Variants in SDHB observed in about 807,000 individuals in gnomAD.
SDHB encodes succinate dehydrogenase complex iron sulfur subunit B, also known as succinate dehydrogenase [ubiquinone] iron-sulfur subunit, mitochondrial.
SDHB carries 21 observed loss-of-function variants against 39.7 expected under a neutral mutation model. The ratio of observed to expected loss-of-function variants is 0.53; its 90% confidence interval spans 0.37 to 0.76. The LOEUF (loss-of-function observed/expected upper bound fraction) is 0.76, where lower values mean the gene tolerates loss of function less well. SDHB is among the 30% of genes least tolerant of loss of function. The pLI is 0.00. For synonymous variants in SDHB, 118 were observed against 117.0 expected, an observed-to-expected ratio of 1.01 and a Z score of -0.06; for missense variants, 343 against 350.9, an observed-to-expected ratio of 0.98 and a Z score of 0.18.
intron 5 of SDHB, 140 bp downstream of exon 5, chr1:17,027,609 G>C: frequency 2.7e-6 from 2 of 730,340 alleles, no homozygotes; most frequent in Non-Finnish European, 5.0e-6. Flanking sequence ...AAGAGGATGA[G>C]TGCCCCACCC....
At chr1:17,024,147 T>C in intron 5 of SDHB, 73 bp from the exon 6 acceptor site, 1 of 1,095,598 alleles carries the variant, frequency 9.1e-7, no homozygotes, top group South Asian at 1.3e-5. Context: ...TGATTAAATG[T>C]TACCTTTGGG....
intron 1 of SDHB, among the ~76,000 whole-genome samples, chr1:17,049,504 C>T (rs1306670263): frequency 2.0e-5 from 3 of 151,952 alleles, no homozygotes; most frequent in Non-Finnish European, 4.4e-5. Context: ...TGCCATTTGG[C>T]CAGGCTGGGC....
intron 1 of SDHB, among the ~76,000 whole-genome samples, chr1:17,051,987 G>A (rs748044495): frequency 4.7e-5 from 7 of 149,922 alleles, no homozygotes; most frequent in African/African-American, 7.4e-5. Flanking sequence ...GATTATAGGC[G>A]CCCACCACCA....
chr1:17,026,431 C>T (rs1409109470), intron 5 of SDHB, among the ~76,000 whole-genome samples: 1 of 152,150 alleles, frequency 6.6e-6, no homozygotes, highest in Non-Finnish European at 1.5e-5. Flanking sequence ...GTGGCACAAC[C>T]TTGGCTCACT....
At chr1:17,052,339 C>G (rs1404598777) in intron 1 of SDHB, 3 of 152,212 alleles carry the variant, frequency 2.0e-5, no homozygotes, top group Non-Finnish European at 2.9e-5. Flanking sequence ...AGGTAACACA[C>G]CAAGCTCATT....
intron 7 of SDHB, among the ~76,000 whole-genome samples, chr1:17,020,610 C>T (rs893818469): frequency 3.9e-5 from 6 of 152,172 alleles, no homozygotes; most frequent in Non-Finnish European, 7.3e-5. Flanking sequence ...CACAGCCAGG[C>T]CCCACCACTG....
intron 2 of SDHB, among the ~76,000 whole-genome samples, chr1:17,039,353 T>G (rs2101535631): frequency 6.9e-6 from 1 of 144,938 alleles, no homozygotes; most frequent in Non-Finnish European, 1.5e-5. Flanking sequence ...GGAAGGCTGA[T>G]GCAGGAGGAC....
chr1:17,033,508 T>C (rs977228617), intron 2 of SDHB, among the ~76,000 whole-genome samples: 5 of 152,240 alleles, frequency 3.3e-5, no homozygotes, highest in African/African-American at 4.8e-5. Flanking sequence ...ATGTAGACAA[T>C]AGTTTTAAAT....
rs876660346 is a variant in SDHB at position 17,028,711 on chromosome 1, G to C, written c.312C>G (p.Asn104Lys). ...REGICGSCAM[N>K]INGGNTLACT... is the part of the protein sequence containing the mutation. Reference sequence around the variant, plus strand: ...AAGCTAGAGTGTTGCCTCCATTGATGTTCATTGCACAAGAGCCACAGATGC... The same window carrying C: ...AAGCTAGAGTGTTGCCTCCATTGATCTTCATTGCACAAGAGCCACAGATGC... The change falls in exon 4 of 8, where the codon AAC becomes AAG. Residue 104 changes from asparagine to lysine, a missense_variant. Physicochemically the swap from Asn to Lys is moderately conservative, Grantham distance 94. Transcript: ENST00000375499. The C allele has an allele frequency of 6.2e-7, 1 of 1,614,122 alleles. No individual in the cohort carries two copies. Among genetic ancestry groups the C allele is most frequent in the Non-Finnish European group, 8.5e-7 (1 of 1,180,032 alleles).
chr1:17,033,778 G>A lies in SDHB; in HGVS notation c.201-633C>T, dbSNP rs777713844. Reference sequence around the variant, plus strand: ...TTTCTGCCTAGGCATTTAATCCACTGAGTGCAGAGAGCAGCACCTGCATCC... The same window carrying A: ...TTTCTGCCTAGGCATTTAATCCACTAAGTGCAGAGAGCAGCACCTGCATCC... On this transcript the variant is annotated intron_variant, in intron 2 of 7. Coordinates refer to ENST00000375499, the MANE Select transcript of SDHB (RefSeq NM_003000.3). Among the ~76,000 whole-genome samples, 4 of 152,358 alleles carry A rather than the reference G, an allele frequency of 2.6e-5. No homozygotes were observed. In the South Asian group the frequency reaches 6.2e-4, roughly 24 times the overall value.
intron 5 of SDHB, among the ~76,000 whole-genome samples, chr1:17,026,658 T>G (rs1049825489): frequency 2.0e-5 from 3 of 152,188 alleles, no homozygotes; most frequent in African/African-American, 7.2e-5. Flanking sequence ...CCACTGCACC[T>G]GGCCGGACTC....
intron 2 of SDHB, among the ~76,000 whole-genome samples, chr1:17,035,125 A>T (rs574977123): frequency 6.6e-6 from 1 of 152,270 alleles, no homozygotes; most frequent in South Asian, 2.1e-4. Flanking sequence ...TGCCAATAGT[A>T]ATGTGCTATT....
intron 1 of SDHB, among the ~76,000 whole-genome samples, chr1:17,048,898 AC>A (rs2078127840): frequency 6.6e-6 from 1 of 151,802 alleles, no homozygotes; most frequent in African/African-American, 2.4e-5. Context: ...TTTAGTAGAG[AC>A]GGGGTTTCAC....
At chr1:17,031,637 G>A (rs1320130719) in intron 3 of SDHB, among the ~76,000 whole-genome samples, 1 of 152,174 alleles carries the variant, frequency 6.6e-6, no homozygotes, top group Admixed American at 6.5e-5. Flanking sequence ...AAGATTAGCT[G>A]AATCAAAACA....
At chr1:17,042,428 C>G (rs993886686) in intron 2 of SDHB, among the ~76,000 whole-genome samples, 29 of 152,152 alleles carry the variant, frequency 1.9e-4, no homozygotes, top group African/African-American at 6.7e-4. Flanking sequence ...CTGATGAGAG[C>G]TACTGTGACA....
chr1:17,025,025 CAT>C (rs2077984146), intron 5 of SDHB, among the ~76,000 whole-genome samples: 1 of 152,140 alleles, frequency 6.6e-6, no homozygotes, highest in South Asian at 2.1e-4. Context: ...TAAGAATAGT[CAT>C]ATTCTTTAAC....
intron 1 of SDHB, among the ~76,000 whole-genome samples, chr1:17,050,679 A>G (rs1192129057): frequency 2.0e-5 from 3 of 151,588 alleles, no homozygotes; most frequent in African/African-American, 7.3e-5. Context: ...AATGTATTTC[A>G]TACAATATTT....
intron 1 of SDHB, among the ~76,000 whole-genome samples, chr1:17,049,463 A>C (rs1008519091): frequency 6.6e-6 from 1 of 151,484 alleles, no homozygotes; most frequent in Non-Finnish European, 1.5e-5. Context: ...AAGTCCAGCT[A>C]ATTTTTGTAT....
intron 1 of SDHB, chr1:17,052,330 G>C (rs2101549896): frequency 6.6e-6 from 1 of 152,274 alleles, no homozygotes; most frequent in Admixed American, 6.5e-5. Context: ...GTTACCCACA[G>C]GTAACACACC....
Sources: allele counts gnomAD v4.1 joint callset (sites outside exome capture counted in the v4.1 genomes callset), GRCh38; gene constraint gnomAD v4.1.1; transcripts MANE v1.5; gene names NCBI Gene and HGNC (gene_info 2026-07-23, HGNC 2026-07-21).